KLF15: variants seen among roughly 807,000 people sequenced by gnomAD.
KLF15 encodes Krueppel-like factor 15.
Under a neutral mutation model 24.6 loss-of-function variants are expected in KLF15, and 4 were observed. That is an observed-to-expected ratio of 0.16 (90% CI 0.08 to 0.37). The LOEUF is 0.37. KLF15 is among the 10% of genes least tolerant of loss of function. The probability of loss-of-function intolerance (pLI) is 1.00; values close to 1 mark genes in which losing one functional copy is unlikely to be tolerated. For missense variants in KLF15, 496 were observed against 560.6 expected (o/e 0.88, Z 1.16); for synonymous variants, 246 against 236.3 (o/e 1.04, Z -0.37).
At chr3:126,337,709 A>G (rs1195532758), downstream of KLF15, among the ~76,000 whole-genome samples, 2 of 152,210 alleles carry the variant, frequency 1.3e-5, no homozygotes, top group African/African-American at 2.4e-5. Context: ...GCCACCAACA[A>G]CTACAGCTGT....
At chr3:126,309,912 G>A in the KLF15 span, among the ~76,000 whole-genome samples, 1 of 152,222 alleles carries the variant, frequency 6.6e-6, no homozygotes, top group Non-Finnish European at 1.5e-5. Flanking sequence ...GAGCAACAAG[G>A]TATACAACGT....
chr3:126,323,446 G>A, the KLF15 span, among the ~76,000 whole-genome samples: 881 of 46,572 alleles, frequency 0.019, 29 homozygotes, highest in African/African-American at 0.078. Flanking sequence ...ACATATATAT[G>A]TTATATATAT....
At chr3:126,293,683 T>C in the KLF15 span, among the ~76,000 whole-genome samples, 1 of 152,272 alleles carries the variant, frequency 6.6e-6, no homozygotes, top group East Asian at 1.9e-4. Flanking sequence ...TCACCTGCAG[T>C]ATTTGTTCCT....
chr3:126,338,326 G>A (rs1429698101), downstream of KLF15, among the ~76,000 whole-genome samples: 1 of 152,206 alleles, frequency 6.6e-6, no homozygotes, highest in African/African-American at 2.4e-5. Flanking sequence ...GACCGTCCAC[G>A]CCTTGTCCAG....
Position 126,352,726 on chromosome 3 carries a change from C to A in KLF15, c.197G>T (p.Gly66Val). The change falls in exon 2 of 3, where the codon GGA becomes GTA. Residue 66 changes from glycine to valine, a missense_variant. Around this residue, in one of 3 missense-constraint regions of KLF15, gnomAD observed 399 missense variants for 423.1 expected, o/e 0.94. Coordinates refer to ENST00000296233, the MANE Select transcript of KLF15 (RefSeq NM_014079.4). ...DSQALCSCYG[G>V]GLGTESQDSI... ...GTCCTGGCTCTCGGTGCCCAGGCCT[C>A]CACCATAGCAGGAGCAGAGGGCTTG... 6.3e-7 allele frequency: 1 copy of A among 1,575,604 alleles called. No homozygotes were observed. Among genetic ancestry groups the A allele is most frequent in the East Asian group, 2.3e-5 (1 of 42,576 alleles).
At chr3:126,343,974 C>T (rs1039763237) in intron 2 of KLF15, 79 bp from the exon 3 acceptor site, 3 of 1,413,828 alleles carry the variant, frequency 2.1e-6, no homozygotes, top group Non-Finnish European at 2.8e-6. Context: ...TGCCGGGATG[C>T]AAGGCGTGCA....
downstream of KLF15, among the ~76,000 whole-genome samples, chr3:126,341,317 C>T (rs866250233): frequency 5.9e-5 from 9 of 152,336 alleles, no homozygotes; most frequent in African/African-American, 7.2e-5. Flanking sequence ...AGGTGAGCAG[C>T]GTGTCCGGCC....
At chr3:126,292,696 A>G in the KLF15 span, among the ~76,000 whole-genome samples, 116,304 of 151,822 alleles carry the variant, frequency 0.77, 45,709 homozygotes, top group African/African-American at 0.94. Flanking sequence ...GGAGGTGTCC[A>G]TGGGGTTGAG....
chr3:126,328,304 T>C, the KLF15 span, among the ~76,000 whole-genome samples: 2 of 152,186 alleles, frequency 1.3e-5, no homozygotes, highest in African/African-American at 4.8e-5. Flanking sequence ...TATATATATA[T>C]ACCACAGTTT....
At chr3:126,342,543 C>T (rs926257549), downstream of KLF15, 2 of 152,492 alleles carry the variant, frequency 1.3e-5, no homozygotes, top group African/African-American at 4.8e-5. Context: ...ACAGAGTTCC[C>T]TGAACTCTGC....
chr3:126,295,885 G>A, the KLF15 span, among the ~76,000 whole-genome samples: 3 of 152,062 alleles, frequency 2.0e-5, no homozygotes, highest in Non-Finnish European at 4.4e-5. Flanking sequence ...ATTAGCCAGG[G>A]ACCCCCTAAA....
intron 2 of KLF15, among the ~76,000 whole-genome samples, chr3:126,348,526 A>G (rs1009311867): frequency 3.3e-5 from 5 of 152,204 alleles, no homozygotes; most frequent in African/African-American, 7.2e-5. Flanking sequence ...CTCACTAGCT[A>G]TGTCCCTGTG....
the KLF15 span, chr3:126,290,698 ACT>A: frequency 1.3e-5 from 2 of 151,998 alleles, no homozygotes; most frequent in Non-Finnish European, 1.5e-5. Context: ...TTCTCCTAGA[ACT>A]CTCACAGCTG....
the KLF15 span, among the ~76,000 whole-genome samples, chr3:126,333,763 G>A: frequency 8.0e-6 from 1 of 125,772 alleles, no homozygotes; most frequent in South Asian, 3.0e-4. Flanking sequence ...AACGGCAGGG[G>A]TTGCAATCCT....
chr3:126,318,186 C>T, the KLF15 span, among the ~76,000 whole-genome samples: 23 of 152,266 alleles, frequency 1.5e-4, no homozygotes, highest in African/African-American at 2.9e-4. Flanking sequence ...TGCAACTTTG[C>T]GACAACCTCA....
chr3:126,354,781 C>T (rs1266145842), intron 1 of KLF15, among the ~76,000 whole-genome samples: 1 of 152,216 alleles, frequency 6.6e-6, no homozygotes, highest in African/African-American at 2.4e-5. Context: ...CCTGGGCCTC[C>T]CCCAACCCTT....
Position 126,352,512 on chromosome 3 carries a change from G to A in KLF15, c.411C>T (p.Phe137=). 1 of 1,613,220 alleles carries A rather than the reference G, an allele frequency of 6.2e-7. No homozygotes were observed. Among genetic ancestry groups the A allele is most frequent in the East Asian group, 2.2e-5 (1 of 44,870 alleles). The change falls in exon 2 of 3, where the codon TTC becomes TTT. Residue 137 remains phenylalanine, a synonymous_variant. Coordinates refer to ENST00000296233, the MANE Select transcript of KLF15 (RefSeq NM_014079.4). ...CTTCAATCTCCTCCAGGGTAGGCTG[G>A]AAGGGCCGTGGGACGTCATCAGGAT... ...LGDPDDVPRP[F]QPTLEEIEEF... is the part of the protein sequence containing the mutation.
Position 126,357,353 on chromosome 3 carries a change from G to A in KLF15, c.-142C>T, listed in dbSNP as rs2082642293. ...CGGCGGCGGCCGGGGGCCGAGCCGC[G>A]GGTCCTGCGCTGGCTCGATCGCCCG... On this transcript the variant is annotated 5_prime_UTR_variant, in exon 1 of 3. Coordinates refer to ENST00000296233, the MANE Select transcript of KLF15 (RefSeq NM_014079.4). 1 of 147,230 alleles carries A rather than the reference G, an allele frequency of 6.8e-6. No homozygotes were observed. The highest frequency in any genetic ancestry group is 1.5e-5 in the Non-Finnish European group (1 of 65,986). The allele number at this position is 147,230 out of a possible 1,614,324, so 9.1% of individuals were successfully genotyped here. A position where few individuals can be genotyped will look rare whatever the true frequency, so the allele number is the denominator to read the frequency against.
chr3:126,310,221 A>G, the KLF15 span, among the ~76,000 whole-genome samples: 1 of 152,228 alleles, frequency 6.6e-6, no homozygotes, highest in South Asian at 2.1e-4. Flanking sequence ...CACATTGGCA[A>G]CACCTGAATT....
Sources: gnomAD v4.1 joint callset for allele counts (sites outside exome capture counted in the v4.1 genomes callset) on GRCh38, gnomAD v4.1.1 for gene constraint, gnomAD v4.1.1 regional missense constraint, MANE v1.5 for transcripts, NCBI Gene and HGNC (gene_info 2026-07-23, HGNC 2026-07-21) for gene names.